PTK2B: variants seen among roughly 807,000 people sequenced by gnomAD.
PTK2B encodes the protein protein-tyrosine kinase 2-beta.
In PTK2B, 71 loss-of-function variants were observed where a neutral mutation model predicts 142.9. The observed-to-expected ratio is 0.50, with a 90% CI of 0.41 to 0.61. The LOEUF (loss-of-function observed/expected upper bound fraction) is 0.61, where lower values mean the gene tolerates loss of function less well. Ranked by LOEUF, PTK2B falls within the 20% of genes least tolerant of loss-of-function variation. The probability of loss-of-function intolerance (pLI) is 0.00; values close to 1 mark genes in which losing one functional copy is unlikely to be tolerated. For synonymous variants in PTK2B, 519 were observed against 503.4 expected (o/e 1.03, Z -0.42); for missense variants, 1,105 against 1,320.4 (o/e 0.84, Z 2.53).
At chr8:27,368,749 C>T (rs1174088582) in intron 1 of PTK2B, among the ~76,000 whole-genome samples, 3 of 152,220 alleles carry the variant, frequency 2.0e-5, no homozygotes, top group Admixed American at 1.3e-4. Flanking sequence ...ACCTGTCCCA[C>T]TTGGCCATGG....
At position 27,361,139 on chromosome 8, in the gene PTK2B, A is replaced by G. The variant is rs149527877; in HGVS notation, c.-38+35458A>G. 6.8e-3 allele frequency among the ~76,000 whole-genome samples: 1,029 copies of G among 152,212 alleles called. 13 individuals are homozygous for G. The highest frequency in any genetic ancestry group is 0.023 in the African/African-American group (949 of 41,506). The stretch of plus-strand genomic sequence containing the variant: ...CCCTTCCCACCCTCCTGAGTCTCCA[A>G]TGTCTATTATTCCACACTCTATGTC... On this transcript the variant is annotated intron_variant, in intron 1 of 30. Coordinates refer to ENST00000346049, the MANE Select transcript of PTK2B (RefSeq NM_173176.3).
chr8:27,310,855 G>A (rs1033654213), upstream of PTK2B: 1 of 1,609,864 alleles, frequency 6.2e-7, no homozygotes, highest in African/African-American at 1.3e-5. Context: ...CCTGGTGTCG[G>A]GGGTCGGCCT....
rs145985190 is a variant in PTK2B, at chr8:27,454,276, C to T, written c.2718C>T (p.Tyr906=). 2.0e-5 allele frequency: 32 copies of T among 1,613,570 alleles called. No individual in the cohort carries two copies. Among genetic ancestry groups the T allele is most frequent in the Middle Eastern group, 1.7e-4 (1 of 5,952 alleles). Residue 906 remains tyrosine (Y), a synonymous_variant, in exon 29 of 31, where the codon TAC becomes TAT. Transcript: ENST00000346049. The part of the protein sequence containing the change: ...NELCQLPPEG[Y]VVVVKNVGLT... ...TCTGTCAGCTGCCCCCCGAGGGCTA[C>T]GTGGTGGTGGTGAAGGTGAGAGCAG...
At chr8:27,425,947 A>G (rs1810056386) in intron 5 of PTK2B, among the ~76,000 whole-genome samples, 1 of 152,160 alleles carries the variant, frequency 6.6e-6, no homozygotes, top group Non-Finnish European at 1.5e-5. Flanking sequence ...CTCTAAATGA[A>G]AGTTTGAAAT....
rs547083521 is a variant in PTK2B at position 27,359,967 on chromosome 8, T to C, written c.-38+34286T>C. ...AACATCCTCTGATACCCAGGTGGCC[T>C]CCATAGCTTTAGTGCCCACACACTG... is the stretch of plus-strand genomic sequence containing the variant. On this transcript the variant is annotated intron_variant, in intron 1 of 30. Coordinates refer to ENST00000346049, the MANE Select transcript of PTK2B (RefSeq NM_173176.3). Among the ~76,000 whole-genome samples the C allele has an allele frequency of 1.1e-4, 17 of 152,306 alleles. No homozygotes were observed. The South Asian group carries it at 3.3e-3, about 30-fold the overall frequency.
chr8:27,318,385 T>TG (rs953487976), intron 3 of PTK2B, among the ~76,000 whole-genome samples: 1 of 152,188 alleles, frequency 6.6e-6, no homozygotes, highest in Non-Finnish European at 1.5e-5. Context: ...CATGGGATGT[T>TG]GGGGACCAGA....
chr8:27,390,138 C>T lies in PTK2B; in HGVS notation c.-37-7410C>T, dbSNP rs141628723. ...TGGGAAGCTTCCTTCCATGGACAGG[C>T]GCCTGTGGTGCTTTCGAGACAGGCA... On this transcript the variant is annotated intron_variant, in intron 1 of 30. Transcript: ENST00000346049. Among the ~76,000 whole-genome samples the T allele has an allele frequency of 3.8e-3, 579 of 152,150 alleles. 1 individual carries two copies. The highest frequency in any genetic ancestry group is 0.013 in the African/African-American group (543 of 41,504).
intron 30 of PTK2B, 70 bp from the exon 31 acceptor site, chr8:27,458,224 C>A: frequency 6.7e-7 from 1 of 1,487,732 alleles, no homozygotes. Flanking sequence ...GTGGACACCT[C>A]TGTGGCTTCC....
At chr8:27,445,403 A>C (rs1478416930) in intron 23 of PTK2B, among the ~76,000 whole-genome samples, 1 of 152,200 alleles carries the variant, frequency 6.6e-6, no homozygotes, top group Non-Finnish European at 1.5e-5. Context: ...ACAGAGCAAG[A>C]GCCTATCTGA....
chr8:27,343,006 C>T (rs1284925139), intron 1 of PTK2B, among the ~76,000 whole-genome samples: 2 of 152,154 alleles, frequency 1.3e-5, no homozygotes, highest in Non-Finnish European at 2.9e-5. Flanking sequence ...TGTGAAGCCA[C>T]CCCTGAGCTG....
chr8:27,432,369 T>A lies in PTK2B; in HGVS notation c.987+8T>A. ...ATTGAAGGTGCCCCCCAGGTGAGTG[T>A]CTCTGGGCACTGGGCACCTGGCAGC... On this transcript the variant is annotated splice_region_variant and intron_variant, in intron 10 of 30. Transcript: ENST00000346049. 6.2e-7 allele frequency: 1 copy of A among 1,612,438 alleles called. No homozygotes were observed. Among genetic ancestry groups the A allele is most frequent in the Admixed American group, 1.7e-5 (1 of 59,984 alleles).
intron 1 of PTK2B, among the ~76,000 whole-genome samples, chr8:27,329,110 G>T (rs1360018583): frequency 2.0e-5 from 3 of 152,194 alleles, no homozygotes; most frequent in East Asian, 3.9e-4. Flanking sequence ...GCTAATTTTT[G>T]TATTTTTAGT....
chr8:27,446,549 A>G (rs1305320264), intron 24 of PTK2B, among the ~76,000 whole-genome samples: 4 of 152,234 alleles, frequency 2.6e-5, no homozygotes, highest in Admixed American at 2.6e-4. Flanking sequence ...TCTTGTGTGA[A>G]AAAGACACTT....
At chr8:27,451,331 C>T (rs746349176) in intron 26 of PTK2B, among the ~76,000 whole-genome samples, 154 bp from the exon 27 acceptor site, 2 of 152,166 alleles carry the variant, frequency 1.3e-5, no homozygotes, top group Non-Finnish European at 2.9e-5. Context: ...AGAAAGGTCA[C>T]ATTGGGTCAC....
chr8:27,310,704 C>A, upstream of PTK2B: 4 of 1,376,042 alleles, frequency 2.9e-6, no homozygotes, highest in Non-Finnish European at 3.9e-6. Flanking sequence ...CGCGGGCACA[C>A]TGGGCTCTGG....
intron 1 of PTK2B, among the ~76,000 whole-genome samples, chr8:27,312,075 TAA>T (rs776390280): frequency 5.9e-5 from 9 of 152,220 alleles, no homozygotes; most frequent in Non-Finnish European, 1.2e-4. Context: ...TTAGCTGAGA[TAA>T]CTAGAGTTCA....
Position 27,377,496 on chromosome 8 carries a change from G to A in PTK2B, c.-37-20052G>A, listed in dbSNP as rs191570987. 8.0e-4 allele frequency among the ~76,000 whole-genome samples: 122 copies of A among 152,296 alleles called. 3 individuals are homozygous for A. The highest frequency in any genetic ancestry group is 4.4e-5 in the Non-Finnish European group (3 of 68,036). On this transcript the variant is annotated intron_variant, in intron 1 of 30. Transcript: ENST00000346049. ...TGCTTGTTTCATGCCAGTGTGATAA[G>A]AACTTTGCACACCTGGCATCCTTCT...
chr8:27,381,637 A>G (rs1419165800), intron 1 of PTK2B, among the ~76,000 whole-genome samples: 3 of 152,242 alleles, frequency 2.0e-5, no homozygotes, highest in Non-Finnish European at 4.4e-5. Context: ...CTTTGACATA[A>G]TGATTTAATT....
At chr8:27,329,228 G>T (rs73565936) in intron 1 of PTK2B, among the ~76,000 whole-genome samples, 11 of 152,092 alleles carry the variant, frequency 7.2e-5, no homozygotes, top group Non-Finnish European at 1.2e-4. Flanking sequence ...GAGCCACCGC[G>T]TCTGGCTGTA....
Sources: gnomAD v4.1 joint callset for allele counts (sites outside exome capture counted in the v4.1 genomes callset) on GRCh38, gnomAD v4.1.1 for gene constraint, MANE v1.5 for transcripts, NCBI Gene and HGNC (gene_info 2026-07-23, HGNC 2026-07-21) for gene names.